Variants in CYTH3 observed in about 807,000 individuals in gnomAD.
CYTH3 encodes the protein cytohesin-3.
In CYTH3, 23 loss-of-function variants were observed where a neutral mutation model predicts 55.1. The ratio of observed to expected loss-of-function variants is 0.42; its 90% CI spans 0.30 to 0.59. The LOEUF (loss-of-function observed/expected upper bound fraction) is 0.59, where lower values mean the gene tolerates loss of function less well. Among genes scored for constraint, CYTH3 ranks in the 20% least tolerant of loss-of-function variants. CYTH3 has a pLI of 0.20. For synonymous variants in CYTH3, 249 were observed against 194.9 expected, an observed-to-expected ratio of 1.28 and a Z score of -2.31; for missense variants, 413 against 524.8, an observed-to-expected ratio of 0.79 and a Z score of 2.08.
At chr7:6,192,826 C>T (rs941175013) in intron 1 of CYTH3, among the ~76,000 whole-genome samples, 1 of 151,738 alleles carries the variant, frequency 6.6e-6, no homozygotes, top group Non-Finnish European at 1.5e-5. Flanking sequence ...AGCCACCACA[C>T]CTGGCCCACA....
intron 1 of CYTH3, among the ~76,000 whole-genome samples, chr7:6,231,055 G>A (rs1352359010): frequency 6.6e-6 from 1 of 152,088 alleles, no homozygotes. Flanking sequence ...AGTTACCCAG[G>A]CCTTTCCCCT....
chr7:6,272,174 G>A (rs1338524506), intron 1 of CYTH3, among the ~76,000 whole-genome samples: 5 of 152,112 alleles, frequency 3.3e-5, no homozygotes, highest in Admixed American at 2.0e-4. Context: ...CGCCCCAGAG[G>A]AGCGACACCC....
chr7:6,171,648 ACCAGAGC>A lies in CYTH3; in HGVS notation c.450-341_450-335del, dbSNP rs1331212263. On this transcript the variant is annotated intron_variant, in intron 6 of 12. Coordinates refer to ENST00000350796, the MANE Select transcript of CYTH3 (RefSeq NM_004227.4). The surrounding 1 kb of genome is among the most constrained non-coding windows in gnomAD (Gnocchi z 6.7). Reference sequence around the variant, plus strand: ...CATCTCCTGCTGCTGCCAGGTGATCACCAGAGCCCTGCCTGTCCCGAGCTGCCACCAG... The same window carrying A: ...CATCTCCTGCTGCTGCCAGGTGATCACCTGCCTGTCCCGAGCTGCCACCAG... The A allele has an allele frequency of 3.4e-6, 1 of 293,366 alleles. No individual in the cohort carries two copies. Among genetic ancestry groups the A allele is most frequent in the Non-Finnish European group, 6.8e-6 (1 of 147,028 alleles). 18.2% of individuals were successfully genotyped at this position (293,366 alleles called of 1,614,324 possible). A position where few individuals can be genotyped will look rare whatever the true frequency, so the allele number is the denominator to read the frequency against.
At chr7:6,259,825 TATATATA>T (rs1393305371) in intron 1 of CYTH3, among the ~76,000 whole-genome samples, 7 of 24,104 alleles carry the variant, frequency 2.9e-4, no homozygotes, top group African/African-American at 3.9e-4. Context: ...TATATATATA[TATATATA>T]TTTTTTTTTT....
chr7:6,222,603 C>T (rs985583321), intron 1 of CYTH3, among the ~76,000 whole-genome samples: 9 of 151,750 alleles, frequency 5.9e-5, no homozygotes, highest in South Asian at 2.1e-4. Context: ...AAACATTAGC[C>T]GGGCGTGGTG....
intron 1 of CYTH3, among the ~76,000 whole-genome samples, chr7:6,245,688 T>G (rs1392023486): frequency 6.6e-6 from 1 of 152,210 alleles, no homozygotes; most frequent in Non-Finnish European, 1.5e-5. Context: ...GCGGATCACC[T>G]GAGATCAGGA....
chr7:6,211,860 C>T (rs763355270), intron 1 of CYTH3, among the ~76,000 whole-genome samples: 2 of 152,044 alleles, frequency 1.3e-5, no homozygotes, highest in East Asian at 3.9e-4. Context: ...GTGGCTTGCA[C>T]TTGTCATCCC....
intron 2 of CYTH3, chr7:6,188,834 T>C (rs1256142164): frequency 6.6e-6 from 1 of 152,212 alleles, no homozygotes; most frequent in Admixed American, 6.5e-5. Flanking sequence ...ACATCCTTAT[T>C]CTTCAACCAG....
At position 6,170,932 on chromosome 7, in the gene CYTH3, G is replaced by A. The variant is rs1156471428; in HGVS notation, c.609C>T (p.Ser203=). 3.1e-6 allele frequency: 5 copies of A among 1,614,042 alleles called. No homozygotes were observed. The highest frequency in any genetic ancestry group is 1.7e-5 in the Admixed American group (1 of 60,026). Residue 203 remains serine, a synonymous_variant, in exon 8 of 13, where the codon AGC becomes AGT. Coordinates refer to ENST00000350796, the MANE Select transcript of CYTH3 (RefSeq NM_004227.4). This position sits in a 1 kb window ranked among gnomAD's most constrained non-coding sequence, Gnocchi z 7.8. ...LSFAIIMLNT[S]LHNHNVRDKP... is the part of the protein sequence containing the mutation. ...TGTCACGCACGTTGTGGTTGTGGAG[G>A]CTGGTGTTGAGCATGATGATGGCGA...
chr7:6,238,295 G>A (rs987958635), intron 1 of CYTH3, among the ~76,000 whole-genome samples: 3 of 152,000 alleles, frequency 2.0e-5, no homozygotes, highest in Non-Finnish European at 4.4e-5. Context: ...AAACAACCTT[G>A]AAGCACAATT....
At chr7:6,211,767 G>A (rs928241035) in intron 1 of CYTH3, among the ~76,000 whole-genome samples, 7 of 152,148 alleles carry the variant, frequency 4.6e-5, no homozygotes, top group Admixed American at 6.5e-5. Flanking sequence ...GGAGGCTGAG[G>A]CGGGTGGACC....
At chr7:6,186,713 C>T (rs372795433) in intron 4 of CYTH3, among the ~76,000 whole-genome samples, 3 of 152,294 alleles carry the variant, frequency 2.0e-5, no homozygotes, top group South Asian at 2.1e-4. Flanking sequence ...CCAGGTCAAG[C>T]GGGAAGATGC....
At chr7:6,213,292 A>T (rs1456749749) in intron 1 of CYTH3, among the ~76,000 whole-genome samples, 2 of 152,196 alleles carry the variant, frequency 1.3e-5, no homozygotes, top group Non-Finnish European at 2.9e-5. Flanking sequence ...TATTTCATTC[A>T]TTTTCACGGT....
rs1229399906 is a variant in CYTH3, at chr7:6,165,329, C to T, written c.1071G>A (p.Val357=). The T allele has an allele frequency of 6.2e-7, 1 of 1,614,118 alleles. No homozygotes were observed. Among genetic ancestry groups the T allele is most frequent in the South Asian group, 1.1e-5 (1 of 91,084 alleles). Residue 357 remains valine (V), a synonymous_variant, in exon 12 of 13, where the codon GTG becomes GTA. Coordinates refer to ENST00000350796, the MANE Select transcript of CYTH3 (RefSeq NM_004227.4). ...DGRVVEGNHV[V]YRISAPSPEE... is the part of the protein sequence containing the mutation. ...CCGGGCTCGGGGCTGAGATCCGGTA[C>T]ACCACATGGTTCCCCTCTACCACGC...
intron 4 of CYTH3, among the ~76,000 whole-genome samples, chr7:6,179,856 CACCACA>C (rs1783457108): frequency 7.8e-6 from 1 of 128,650 alleles, no homozygotes; most frequent in African/African-American, 3.2e-5. Context: ...ACCACAGACA[CACCACA>C]CACACCCACA....
intron 1 of CYTH3, among the ~76,000 whole-genome samples, chr7:6,265,835 G>A (rs940611814): frequency 6.6e-6 from 1 of 152,046 alleles, no homozygotes; most frequent in Non-Finnish European, 1.5e-5. Context: ...AAGGCTTAAG[G>A]CAAAAGAAGT....
intron 1 of CYTH3, among the ~76,000 whole-genome samples, chr7:6,236,315 C>T (rs192756609): frequency 3.4e-4 from 51 of 151,034 alleles, no homozygotes; most frequent in Admixed American, 2.2e-3. Flanking sequence ...ACAATCCTCC[C>T]ACCTCAGCCT....
intron 1 of CYTH3, among the ~76,000 whole-genome samples, chr7:6,192,165 C>A (rs1783816954): frequency 1.3e-5 from 2 of 152,146 alleles, no homozygotes; most frequent in African/African-American, 2.4e-5. Flanking sequence ...AAGAGCTGAG[C>A]CAGAAACTGC....
chr7:6,177,250 C>T (rs981873606), intron 5 of CYTH3, among the ~76,000 whole-genome samples: 28 of 152,310 alleles, frequency 1.8e-4, no homozygotes, highest in African/African-American at 5.1e-4. Flanking sequence ...ACCAAAACCG[C>T]CCAACTTTAG....
Sources: allele counts gnomAD v4.1 joint callset (sites outside exome capture counted in the v4.1 genomes callset), GRCh38; gene constraint gnomAD v4.1.1; non-coding constraint Gnocchi (gnomAD v3.1); transcripts MANE v1.5; gene names NCBI Gene and HGNC (gene_info 2026-07-23, HGNC 2026-07-21).